MACF1: variants seen among roughly 807,000 people sequenced by gnomAD.
The protein encoded by MACF1 is microtubule-actin cross-linking factor 1.
In MACF1, 193 loss-of-function variants were observed where a neutral mutation model predicts 854.8. The observed-to-expected ratio is 0.23, with a 90% CI of 0.20 to 0.25. The LOEUF (loss-of-function observed/expected upper bound fraction) is 0.25, where lower values mean the gene tolerates loss of function less well. Ranked by LOEUF, MACF1 falls within the 10% of genes least tolerant of loss-of-function variation. The pLI, the probability that MACF1 is intolerant of heterozygous loss-of-function variation, is 1.00. For missense variants in MACF1, 7,722 were observed against 8,929.1 expected (o/e 0.86, Z 5.45); for synonymous variants, 3,185 against 3,226.7 (o/e 0.99, Z 0.44).
intron 97 of MACF1, among the ~76,000 whole-genome samples, chr1:39,479,204 G>A (rs552894308): frequency 6.6e-6 from 1 of 152,240 alleles, no homozygotes; most frequent in South Asian, 2.1e-4. Context: ...TCACTAGCAA[G>A]TTTTGTGCAT....
chr1:39,250,169 T>C (rs1192548942), intron 3 of MACF1, 66 bp downstream of exon 3: 10 of 1,099,626 alleles, frequency 9.1e-6, no homozygotes, highest in African/African-American at 3.1e-5. Context: ...GTCCATCTCA[T>C]TGAGTGCAAG....
intron 58 of MACF1, among the ~76,000 whole-genome samples, chr1:39,421,541 G>A (rs1212466705): frequency 1.3e-5 from 2 of 152,198 alleles, no homozygotes; most frequent in Non-Finnish European, 2.9e-5. Context: ...ATTAAGCTAT[G>A]AGGTTGGCAT....
chr1:39,375,379 G>T (rs1649631693), intron 52 of MACF1, among the ~76,000 whole-genome samples: 1 of 151,596 alleles, frequency 6.6e-6, no homozygotes, highest in African/African-American at 2.4e-5. Flanking sequence ...TCGGCTCACT[G>T]CAAGCTCCAT....
chr1:39,231,348 G>A, intron 2 of MACF1, 105 bp downstream of exon 2: 2 of 1,038,130 alleles, frequency 1.9e-6, no homozygotes, highest in Non-Finnish European at 3.0e-6. Context: ...GTGTGCTCAA[G>A]TCTATGAAGA....
chr1:39,189,718 A>G (rs1242030414), intron 2 of MACF1, among the ~76,000 whole-genome samples: 1 of 152,214 alleles, frequency 6.6e-6, no homozygotes, highest in Non-Finnish European at 1.5e-5. Flanking sequence ...ACAGGAAATG[A>G]CCATTTCATT....
chr1:39,136,343 A>G (rs550617059), intron 2 of MACF1, among the ~76,000 whole-genome samples: 12 of 152,356 alleles, frequency 7.9e-5, no homozygotes, highest in African/African-American at 2.9e-4. Flanking sequence ...GAAAAAGTCC[A>G]GGAGCCTAGC....
chr1:39,411,317 C>T (rs778495853), intron 58 of MACF1: 1 of 1,613,866 alleles, frequency 6.2e-7, no homozygotes, highest in African/African-American at 1.3e-5. Context: ...TTTCTGATGG[C>T]AGATGAGAAG....
At chr1:39,165,195 A>C (rs1445820122) in intron 2 of MACF1, among the ~76,000 whole-genome samples, 2 of 152,186 alleles carry the variant, frequency 1.3e-5, no homozygotes, top group Admixed American at 6.5e-5. Flanking sequence ...CATCCTTCAT[A>C]GTGAGAACTG....
rs34930273 is a variant in MACF1, at chr1:39,307,901, C to CTTTTTTTTTTTTTTTTTTTTTT, written c.2790-1648_2790-1647insTTTTTTTTTTTTTTTTTTTTTT. On this transcript the variant is annotated intron_variant, in intron 23 of 100. Transcript: ENST00000564288. ...TTATTTCTCTTTTCTTTCTTTCTTT[C>CTTTTTTTTTTTTTTTTTTTTTT]TTTTTTTTTTTTTTTTTTTTTGAGA... is the stretch of plus-strand genomic sequence containing the variant. 8.7e-4 allele frequency among the ~76,000 whole-genome samples: 44 copies of CTTTTTTTTTTTTTTTTTTTTTT among 50,406 alleles called. 4 individuals are homozygous for CTTTTTTTTTTTTTTTTTTTTTT. The highest frequency in any genetic ancestry group is 1.5e-3 in the African/African-American group (20 of 13,144). 33.1% of individuals were successfully genotyped at this position (50,406 alleles called of 152,430 possible).
chr1:39,437,779 T>G lies in MACF1; in HGVS notation c.17991T>G (p.Phe5997Leu). ...LDEAVSQSTQFHDKIEPMLET... is the reference protein window; with the variant it reads ...LDEAVSQSTQLHDKIEPMLET... ...GTAATGTTCCAACATTTGTTTAGTTTCATGATAAAATTGAGCCTATGTTGG... is the reference window on the plus strand; with the variant it reads ...GTAATGTTCCAACATTTGTTTAGTTGCATGATAAAATTGAGCCTATGTTGG... The change falls in exon 71 of 101, where the codon TTT becomes TTG. Residue 5997 changes from phenylalanine (F) to leucine (L), a missense_variant and splice_region_variant. This residue lies in a region of MACF1 where 2,807 missense variants were observed against 3,235.8 expected (regional missense o/e 0.87). Coordinates refer to ENST00000564288, the MANE Select transcript of MACF1 (RefSeq NM_001394062.1). 1 of 1,610,446 alleles carries G rather than the reference T, an allele frequency of 6.2e-7. No individual in the cohort carries two copies. Among genetic ancestry groups the G allele is most frequent in the Non-Finnish European group, 8.5e-7 (1 of 1,176,578 alleles).
At chr1:39,394,908 C>A (rs2148582920) in intron 58 of MACF1, among the ~76,000 whole-genome samples, 1 of 152,294 alleles carries the variant, frequency 6.6e-6, no homozygotes, top group Non-Finnish European at 1.5e-5. Context: ...TATCCTCTAT[C>A]CCTGCCAACC....
chr1:39,402,794 T>C (rs1282160845), intron 58 of MACF1, among the ~76,000 whole-genome samples: 1 of 152,242 alleles, frequency 6.6e-6, no homozygotes, highest in East Asian at 1.9e-4. Flanking sequence ...CCCTCTTTCA[T>C]TGTACAGCAT....
chr1:39,462,475 C>T (rs143426227), intron 93 of MACF1, among the ~76,000 whole-genome samples: 5 of 151,494 alleles, frequency 3.3e-5, no homozygotes, highest in Non-Finnish European at 5.9e-5. Flanking sequence ...GAGGCCAACA[C>T]GGGAGGATCA....
chr1:39,364,782 G>A (rs1250611423), intron 49 of MACF1, among the ~76,000 whole-genome samples: 12 of 152,060 alleles, frequency 7.9e-5, no homozygotes, highest in Non-Finnish European at 1.3e-4. Flanking sequence ...GTGAGCCACC[G>A]CGCCCGGCCG....
chr1:39,433,292 G>A lies in MACF1; in HGVS notation c.17565+137G>A, dbSNP rs1385291238. ...GATTGTTATTAAAGTCCAGCTTGAT[G>A]TTCTGGGGAATTCAGAATCTTAACC... On this transcript the variant is annotated intron_variant, in intron 68 of 100. Transcript: ENST00000564288. 16 of 545,634 alleles carry A rather than the reference G, an allele frequency of 2.9e-5. No individual in the cohort carries two copies. In the East Asian group the frequency reaches 4.6e-4, roughly 16 times the overall value. 33.8% of individuals were successfully genotyped at this position (545,634 alleles called of 1,614,324 possible).
Position 39,479,838 on chromosome 1 carries a change from C to T in MACF1, c.21999C>T (p.Ile7333=). Residue 7333 remains isoleucine, a synonymous_variant, in exon 98 of 101, where the codon ATC becomes ATT. Transcript: ENST00000564288. ...ACATTGAACTTAGAGAGAAATTCAT[C>T]CTACCAGAGGGAGCATCCCAGGGAA... The part of the protein sequence containing the change: ...RTNIELREKF[I]LPEGASQGMT... 6.2e-7 allele frequency: 1 copy of T among 1,614,234 alleles called. No homozygotes were observed. Among genetic ancestry groups the T allele is most frequent in the Non-Finnish European group, 8.5e-7 (1 of 1,180,044 alleles).
Position 39,387,664 on chromosome 1 carries a change from G to A in MACF1, c.14822G>A (p.Ser4941Asn). Residue 4941 changes from serine (S) to asparagine (N), a missense_variant, in exon 58 of 101, where the codon AGT becomes AAT. This residue lies in a region of MACF1 where 2,807 missense variants were observed against 3,235.8 expected (regional missense o/e 0.87). Transcript: ENST00000564288. Reference sequence around the variant, plus strand: ...CTGGATCCAGTGCAGCTAGAGTCCAGTCTCCTAAGATCAAAGGCTATGCTG... The same window carrying A: ...CTGGATCCAGTGCAGCTAGAGTCCAATCTCCTAAGATCAAAGGCTATGCTG... ...VTLDPVQLES[S>N]LLRSKAMLNE... The A allele has an allele frequency of 6.2e-7, 1 of 1,614,194 alleles. No homozygotes were observed. The highest frequency in any genetic ancestry group is 8.5e-7 in the Non-Finnish European group (1 of 1,180,028).
At position 39,477,131 on chromosome 1, in the gene MACF1, TATATACAC is replaced by T. The variant is rs1231559294; in HGVS notation, c.21959-2665_21959-2658del. ...TATACACTTAGTGTATATATATATA[TATATACAC>T]ACACACACACACACAGATGTGCAAA... On this transcript the variant is annotated intron_variant, in intron 97 of 100. Transcript: ENST00000564288. Among the ~76,000 whole-genome samples, 12 of 91,338 alleles carry T rather than the reference TATATACAC, an allele frequency of 1.3e-4. 1 individual carries two copies. Among genetic ancestry groups the T allele is most frequent in the South Asian group, 3.6e-4 (1 of 2,754 alleles). 59.9% of individuals were successfully genotyped at this position (91,338 alleles called of 152,430 possible).
At chr1:39,156,650 G>T (rs1490921833) in intron 2 of MACF1, among the ~76,000 whole-genome samples, 3 of 152,072 alleles carry the variant, frequency 2.0e-5, no homozygotes, top group African/African-American at 7.2e-5. Context: ...TGGGGCTCCT[G>T]CCTCATATAA....
Sources: gnomAD v4.1 joint callset for allele counts (sites outside exome capture counted in the v4.1 genomes callset) on GRCh38, gnomAD v4.1.1 for gene constraint, gnomAD v4.1.1 regional missense constraint, MANE v1.5 for transcripts, NCBI Gene and HGNC (gene_info 2026-07-23, HGNC 2026-07-21) for gene names.